MYO16: variants seen among roughly 807,000 people sequenced by gnomAD.
MYO16 encodes unconventional myosin-XVI.
In MYO16, 94 loss-of-function variants were observed where a neutral mutation model predicts 205.3. That is an observed-to-expected ratio of 0.46 (90% CI 0.39 to 0.54). MYO16 has a LOEUF of 0.54. Ranked by LOEUF, MYO16 falls within the 20% of genes least tolerant of loss-of-function variation. MYO16 has a pLI of 0.00. For synonymous variants in MYO16, 988 were observed against 954.0 expected (o/e 1.04, Z -0.66); for missense variants, 2,315 against 2,387.5 (o/e 0.97, Z 0.63).
At chr13:109,126,061 G>C (rs1016273206) in intron 30 of MYO16, among the ~76,000 whole-genome samples, 1 of 152,138 alleles carries the variant, frequency 6.6e-6, no homozygotes, top group Admixed American at 6.5e-5. Context: ...TCATCGTCAG[G>C]GAGATGTTTG....
Position 109,140,299 on chromosome 13 carries a change from A to G in MYO16, c.4087A>G (p.Ser1363Gly), listed in dbSNP as rs753062244. Residue 1363 changes from serine to glycine, a missense_variant, in exon 32 of 35, where the codon AGC becomes GGC. This residue lies in a region of MYO16 where 1,097 missense variants were observed against 1,092.0 expected (regional missense o/e 1.00). Coordinates refer to ENST00000457511, the MANE Select transcript of MYO16 (RefSeq NM_001198950.3). The surrounding 1 kb of genome is among the most constrained non-coding windows in gnomAD (Gnocchi z 8.0). ...GCCCAGACCGCACAGCGACGACTAC[A>G]GCACCATGAAGAAGATTCCTCCTCG... ...ARPRPHSDDY[S>G]TMKKIPPRKP... 1 of 1,601,804 alleles carries G rather than the reference A, an allele frequency of 6.2e-7. No homozygotes were observed. Among genetic ancestry groups the G allele is most frequent in the South Asian group, 1.1e-5 (1 of 91,064 alleles).
At chr13:108,795,785 C>A (rs1356777324) in intron 6 of MYO16, among the ~76,000 whole-genome samples, 2 of 152,060 alleles carry the variant, frequency 1.3e-5, no homozygotes, top group African/African-American at 4.8e-5. Flanking sequence ...GGGTAATATA[C>A]ACTATAAATA....
At chr13:108,519,070 GA>G in the MYO16 span, among the ~76,000 whole-genome samples, 4 of 150,406 alleles carry the variant, frequency 2.7e-5, no homozygotes, top group Admixed American at 6.6e-5. Context: ...GTTGAAAATA[GA>G]AAAAAAAAGA....
chr13:109,057,440 A>G (rs1016699134), intron 27 of MYO16, among the ~76,000 whole-genome samples: 38 of 152,200 alleles, frequency 2.5e-4, no homozygotes, highest in African/African-American at 8.7e-4. Context: ...CTTAATTTAT[A>G]AGGAATAACT....
At chr13:108,698,194 A>G (rs1019488003) in intron 2 of MYO16, among the ~76,000 whole-genome samples, 1 of 152,112 alleles carries the variant, frequency 6.6e-6, no homozygotes, top group Non-Finnish European at 1.5e-5. Context: ...ATCACGCCCA[A>G]CTGGGGTCAG....
At chr13:108,669,533 T>C (rs1460850324) in intron 2 of MYO16, among the ~76,000 whole-genome samples, 1 of 152,152 alleles carries the variant, frequency 6.6e-6, no homozygotes, top group Non-Finnish European at 1.5e-5. Flanking sequence ...CAAGTGTATG[T>C]GCTGATAAAA....
intron 16 of MYO16, among the ~76,000 whole-genome samples, chr13:108,956,154 A>C (rs975820534): frequency 6.6e-6 from 1 of 152,194 alleles, no homozygotes; most frequent in African/African-American, 2.4e-5. Context: ...ATAAGACTTT[A>C]TCTCTCCAGA....
At chr13:108,836,884 A>T (rs950674476) in intron 9 of MYO16, among the ~76,000 whole-genome samples, 8 of 152,116 alleles carry the variant, frequency 5.3e-5, no homozygotes, top group Admixed American at 2.0e-4. Context: ...AGGCTCATAG[A>T]TGGTGGGGAC....
At chr13:108,677,340 T>TATATATATATGC (rs1566544866) in intron 2 of MYO16, among the ~76,000 whole-genome samples, 33 of 95,640 alleles carry the variant, frequency 3.5e-4, no homozygotes, top group East Asian at 3.3e-3. Context: ...TGTGTGTATA[T>TATATATATATGC]ATATATATAT....
the MYO16 span, among the ~76,000 whole-genome samples, chr13:108,564,656 T>C: frequency 6.6e-6 from 1 of 152,328 alleles, no homozygotes; most frequent in African/African-American, 2.4e-5. Flanking sequence ...TTTAGCTTGA[T>C]GTGATCCTAT....
chr13:108,951,578 A>T (rs527295056), intron 16 of MYO16, among the ~76,000 whole-genome samples: 1 of 152,344 alleles, frequency 6.6e-6, no homozygotes, highest in East Asian at 1.9e-4. Flanking sequence ...CACTTTAAGA[A>T]CATAGAAGTT....
At chr13:108,898,158 G>A (rs765954168) in intron 15 of MYO16, 25 bp downstream of exon 15, 3 of 1,562,864 alleles carry the variant, frequency 1.9e-6, no homozygotes, top group Non-Finnish European at 1.8e-6. Flanking sequence ...TGACAACGTG[G>A]ATTTCCTGTG....
At chr13:108,785,040 A>G (rs962002011) in intron 4 of MYO16, among the ~76,000 whole-genome samples, 5 of 152,184 alleles carry the variant, frequency 3.3e-5, no homozygotes, top group African/African-American at 1.2e-4. Context: ...GCCATATTTA[A>G]TACAGTCAGC....
At chr13:108,753,223 A>T (rs1221922847) in intron 4 of MYO16, among the ~76,000 whole-genome samples, 1 of 151,906 alleles carries the variant, frequency 6.6e-6, no homozygotes, top group Non-Finnish European at 1.5e-5. Context: ...CAAAAAAATT[A>T]GCCGGGTGTG....
At chr13:108,599,906 G>A (rs1162575564) in intron 1 of MYO16, among the ~76,000 whole-genome samples, 1 of 152,114 alleles carries the variant, frequency 6.6e-6, no homozygotes, top group Non-Finnish European at 1.5e-5. Flanking sequence ...ATTCACAAAG[G>A]CCATTTGTGA....
At chr13:108,965,199 A>G (rs1883745550) in intron 20 of MYO16, among the ~76,000 whole-genome samples, 1 of 152,134 alleles carries the variant, frequency 6.6e-6, no homozygotes, top group South Asian at 2.1e-4. Context: ...TGCACCAATA[A>G]ATCTAAAAAT....
chr13:109,059,995 G>A (rs550965217), intron 27 of MYO16, among the ~76,000 whole-genome samples: 1 of 152,242 alleles, frequency 6.6e-6, no homozygotes, highest in East Asian at 1.9e-4. Flanking sequence ...AACAGATGCT[G>A]GAGAGGATGT....
chr13:108,666,105 C>T lies in MYO16; in HGVS notation c.248C>T (p.Thr83Met), dbSNP rs1302152049. Residue 83 changes from threonine (T) to methionine (M), a missense_variant, in exon 2 of 35, where the codon ACG becomes ATG. Around this residue, in one of 3 missense-constraint regions of MYO16, gnomAD observed 1,213 missense variants for 1,274.4 expected, o/e 0.95. Transcript: ENST00000457511. ...AATCCGAAAGTTCACTTCAACCTCACGGACATGCTACAGGACGCGATTATC... is the reference window on the plus strand; with the variant it reads ...AATCCGAAAGTTCACTTCAACCTCATGGACATGCTACAGGACGCGATTATC... ...AKNPKVHFNL[T>M]DMLQDAIIHH... 7 of 1,613,724 alleles carry T rather than the reference C, an allele frequency of 4.3e-6. No homozygotes were observed. The highest frequency in any genetic ancestry group is 1.7e-5 in the Admixed American group (1 of 59,984).
chr13:109,190,870 G>A (rs1879879968), intron 34 of MYO16, among the ~76,000 whole-genome samples: 1 of 152,058 alleles, frequency 6.6e-6, no homozygotes, highest in African/African-American at 2.4e-5. Context: ...GCAACTTAAA[G>A]CATATAATAA....
Sources: gnomAD v4.1 joint callset for allele counts (sites outside exome capture counted in the v4.1 genomes callset) on GRCh38, gnomAD v4.1.1 for gene constraint, gnomAD v4.1.1 regional missense constraint, Gnocchi (gnomAD v3.1) non-coding constraint, MANE v1.5 for transcripts, NCBI Gene and HGNC (gene_info 2026-07-23, HGNC 2026-07-21) for gene names.